ATF7IP: variants seen among roughly 807,000 people sequenced by gnomAD.
ATF7IP encodes the protein activating transcription factor 7-interacting protein 1.
A neutral mutation model predicts 106.4 loss-of-function variants in ATF7IP; 23 were observed. The observed-to-expected ratio is 0.22, with a 90% confidence interval of 0.16 to 0.31. The LOEUF (loss-of-function observed/expected upper bound fraction) is 0.31. Ranked by LOEUF, ATF7IP falls within the 10% of genes least tolerant of loss-of-function variation. The pLI is 1.00. For synonymous variants in ATF7IP, 542 were observed against 539.0 expected (o/e 1.01, Z -0.08); for missense variants, 1,334 against 1,524.3 (o/e 0.88, Z 2.08).
chr12:14,390,153 C>T (rs931487106), intron 1 of ATF7IP, among the ~76,000 whole-genome samples: 1 of 152,162 alleles, frequency 6.6e-6, no homozygotes, highest in Non-Finnish European at 1.5e-5. Flanking sequence ...ACCTATCCTA[C>T]GTATTTGATA....
chr12:14,498,333 G>A lies in ATF7IP; in HGVS notation c.*260G>A, dbSNP rs1945073394. Reference sequence around the variant, plus strand: ...TTAGTTTTGAGGCTGGGGAATATGTGTGGGTGTTTATGTGTGTTTTTCCTT... The same window carrying A: ...TTAGTTTTGAGGCTGGGGAATATGTATGGGTGTTTATGTGTGTTTTTCCTT... On this transcript the variant is annotated 3_prime_UTR_variant, in exon 15 of 15. Transcript: ENST00000261168. The A allele has an allele frequency of 7.7e-6, 3 of 392,052 alleles. No individual in the cohort carries two copies. In the Admixed American group the frequency reaches 1.2e-4, roughly 16 times the overall value. 24.3% of individuals were successfully genotyped at this position (392,052 alleles called of 1,614,324 possible).
At chr12:14,413,870 A>G (rs1290274853) in intron 1 of ATF7IP, among the ~76,000 whole-genome samples, 11 of 152,162 alleles carry the variant, frequency 7.2e-5, no homozygotes, top group Non-Finnish European at 1.6e-4. Flanking sequence ...TGCATTTAGG[A>G]GTCAAGAATG....
intron 13 of ATF7IP, among the ~76,000 whole-genome samples, chr12:14,490,576 T>A (rs4617646): frequency 1.3e-5 from 2 of 151,994 alleles, no homozygotes; most frequent in African/African-American, 2.4e-5. Flanking sequence ...AGAAAGGGAC[T>A]GTAGTGCTGC....
intron 6 of ATF7IP, among the ~76,000 whole-genome samples, chr12:14,448,084 A>G (rs2136669300): frequency 6.6e-6 from 1 of 151,128 alleles, no homozygotes; most frequent in South Asian, 2.1e-4. Flanking sequence ...TAATTTTTTT[A>G]TTTGAACAAG....
At position 14,372,360 on chromosome 12, in the gene ATF7IP, C is replaced by T. The variant is rs142729509; in HGVS notation, c.-8+6533C>T. 3.2e-3 allele frequency among the ~76,000 whole-genome samples: 485 copies of T among 151,272 alleles called. 1 individual carries two copies. Among genetic ancestry groups the T allele is most frequent in the Middle Eastern group, 0.017 (5 of 292 alleles). On this transcript the variant is annotated intron_variant, in intron 1 of 14. Coordinates refer to ENST00000261168, the MANE Select transcript of ATF7IP (RefSeq NM_018179.5). Reference sequence around the variant, plus strand: ...GTTAAGAATAAGTAGATCAGGGCTACTAGTGCTTGTTTATATGGTGTGAAT... The same window carrying T: ...GTTAAGAATAAGTAGATCAGGGCTATTAGTGCTTGTTTATATGGTGTGAAT...
chr12:14,490,896 G>A (rs564017194), intron 13 of ATF7IP, among the ~76,000 whole-genome samples: 13 of 152,232 alleles, frequency 8.5e-5, no homozygotes, highest in South Asian at 2.1e-4. Context: ...AGTTCATGAT[G>A]GTCATCTCAG....
chr12:14,418,134 T>C (rs897848205), intron 1 of ATF7IP, among the ~76,000 whole-genome samples: 3 of 151,858 alleles, frequency 2.0e-5, no homozygotes, highest in African/African-American at 7.3e-5. Context: ...TTACCAAAAA[T>C]TTGAAAAAAA....
At chr12:14,441,215 T>A (rs1035773814) in intron 5 of ATF7IP, among the ~76,000 whole-genome samples, 5 of 152,196 alleles carry the variant, frequency 3.3e-5, no homozygotes, top group Admixed American at 6.5e-5. Flanking sequence ...AGGGTTCCAT[T>A]TCTCCACATC....
chr12:14,492,022 G>C (rs746899338), intron 13 of ATF7IP, among the ~76,000 whole-genome samples: 10 of 152,206 alleles, frequency 6.6e-5, no homozygotes, highest in Non-Finnish European at 8.8e-5. Flanking sequence ...TTTAGAGGCA[G>C]CTCTAATGGC....
At chr12:14,419,053 G>A (rs1387106228) in intron 1 of ATF7IP, 2 of 152,008 alleles carry the variant, frequency 1.3e-5, no homozygotes, top group African/African-American at 4.8e-5. Context: ...TCCTAAAAAC[G>A]TTATCCTGAA....
intron 1 of ATF7IP, among the ~76,000 whole-genome samples, chr12:14,415,277 A>G (rs908158995): frequency 2.0e-5 from 3 of 152,226 alleles, no homozygotes; most frequent in Non-Finnish European, 2.9e-5. Flanking sequence ...TATTTTGCCC[A>G]TGTAACACAA....
At chr12:14,440,247 A>G (rs936047231) in intron 5 of ATF7IP, among the ~76,000 whole-genome samples, 4 of 152,188 alleles carry the variant, frequency 2.6e-5, no homozygotes, top group Non-Finnish European at 4.4e-5. Flanking sequence ...CAATTCCTTG[A>G]TTATAGTAAC....
intron 11 of ATF7IP, among the ~76,000 whole-genome samples, chr12:14,476,955 T>G (rs1944283311): frequency 6.6e-6 from 1 of 152,164 alleles, no homozygotes; most frequent in African/African-American, 2.4e-5. Flanking sequence ...AAAGTTAAAT[T>G]GATTTTTTTC....
intron 6 of ATF7IP, among the ~76,000 whole-genome samples, chr12:14,448,037 GATTTATTTTCTTTTCCTCCTGA>G (rs1442134154): frequency 6.7e-6 from 1 of 148,434 alleles, no homozygotes; most frequent in Non-Finnish European, 1.5e-5. Flanking sequence ...TTTTTAGTTG[GATTTATTTTCTTTTCCTCCTGA>G]ATTTTTTTTG....
intron 6 of ATF7IP, among the ~76,000 whole-genome samples, chr12:14,449,560 G>T (rs1001393678): frequency 6.7e-6 from 1 of 148,426 alleles, no homozygotes; most frequent in African/African-American, 2.5e-5. Flanking sequence ...ATTTTGTGTG[G>T]TTCCCCCACC....
intron 1 of ATF7IP, among the ~76,000 whole-genome samples, chr12:14,390,560 G>A (rs1939487491): frequency 6.6e-6 from 1 of 152,174 alleles, no homozygotes; most frequent in South Asian, 2.1e-4. Context: ...AAGTTAAAGT[G>A]TATTCAAGCT....
chr12:14,397,176 CA>C (rs1444448688), intron 1 of ATF7IP, among the ~76,000 whole-genome samples: 1 of 151,730 alleles, frequency 6.6e-6, no homozygotes, highest in Non-Finnish European at 1.5e-5. Flanking sequence ...AAAAGAAAAC[CA>C]AAAACAAACA....
In ATF7IP at chr12:14,500,337, T is replaced by A. The variant is rs1267971903; in HGVS notation, c.*2264T>A. Reference sequence around the variant, plus strand: ...GCCTATAGATTGCCAAAAAATTAATTCTCCAAACCACCTTTCACTCTCAGA... The same window carrying A: ...GCCTATAGATTGCCAAAAAATTAATACTCCAAACCACCTTTCACTCTCAGA... On this transcript the variant is annotated 3_prime_UTR_variant, in exon 15 of 15. Coordinates refer to ENST00000261168, the MANE Select transcript of ATF7IP (RefSeq NM_018179.5). The A allele has an allele frequency of 6.6e-6, 1 of 152,084 alleles. No individual in the cohort carries two copies. The highest frequency in any genetic ancestry group is 1.5e-5 in the Non-Finnish European group (1 of 68,020). The allele number at this position is 152,084 out of a possible 1,614,324, so 9.4% of individuals were successfully genotyped here. A position where few individuals can be genotyped will look rare whatever the true frequency, so the allele number is the denominator to read the frequency against.
chr12:14,469,856 G>T (rs1943975158), intron 10 of ATF7IP, among the ~76,000 whole-genome samples: 1 of 152,308 alleles, frequency 6.6e-6, no homozygotes, highest in South Asian at 2.1e-4. Flanking sequence ...CACAGAATTT[G>T]TTTTTTCTCT....
Sources: allele counts gnomAD v4.1 joint callset (sites outside exome capture counted in the v4.1 genomes callset), GRCh38; gene constraint gnomAD v4.1.1; transcripts MANE v1.5; gene names NCBI Gene and HGNC (gene_info 2026-07-23, HGNC 2026-07-21).